The following AGBL2 variants were observed in gnomAD, a reference collection of about 807,000 sequenced individuals.
AGBL2 encodes the protein cytosolic carboxypeptidase 2.
AGBL2 carries 87 observed loss-of-function variants against 103.0 expected under a neutral mutation model. The ratio of observed to expected loss-of-function variants is 0.84; its 90% CI spans 0.71 to 1.01. The LOEUF (loss-of-function observed/expected upper bound fraction) is 1.01, where lower values mean the gene tolerates loss of function less well. AGBL2 is among the 50% of genes least tolerant of loss of function. The pLI, the probability that AGBL2 is intolerant of heterozygous loss-of-function variation, is 0.00. For missense variants in AGBL2, 904 were observed against 1,023.5 expected, an observed-to-expected ratio of 0.88 and a Z score of 1.59; for synonymous variants, 335 against 356.7, an observed-to-expected ratio of 0.94 and a Z score of 0.69.
chr11:47,704,896 G>T (rs2097512145), intron 6 of AGBL2, among the ~76,000 whole-genome samples, 168 bp from the exon 7 acceptor site: 1 of 152,066 alleles, frequency 6.6e-6, no homozygotes, highest in Admixed American at 6.6e-5. Flanking sequence ...AGAATAACAG[G>T]TTCAAAATTA....
At chr11:47,666,719 T>C in intron 17 of AGBL2, 1 of 607,382 alleles carries the variant, frequency 1.6e-6, no homozygotes, top group South Asian at 2.0e-5. Context: ...AGGCAGCCTG[T>C]TCTTATGTTC....
chr11:47,684,728 G>A (rs2097417206), intron 11 of AGBL2, among the ~76,000 whole-genome samples: 1 of 152,114 alleles, frequency 6.6e-6, no homozygotes, highest in Admixed American at 6.6e-5. Flanking sequence ...CACAAAATTA[G>A]TCAATTATTA....
chr11:47,681,582 C>T (rs1259213189), intron 12 of AGBL2, among the ~76,000 whole-genome samples: 4 of 152,284 alleles, frequency 2.6e-5, no homozygotes, highest in African/African-American at 9.6e-5. Flanking sequence ...ATTCTCCTGC[C>T]TCAACCTCCA....
At chr11:47,707,013 C>T (rs1181599254) in intron 4 of AGBL2, among the ~76,000 whole-genome samples, 2 of 142,782 alleles carry the variant, frequency 1.4e-5, no homozygotes, top group East Asian at 4.0e-4. Context: ...ATGGTGAAAC[C>T]CTGTCTCTAC....
chr11:47,684,517 C>T (rs574307935), intron 11 of AGBL2, among the ~76,000 whole-genome samples: 8 of 150,180 alleles, frequency 5.3e-5, no homozygotes, highest in Admixed American at 6.7e-5. Flanking sequence ...GATCGCGCCA[C>T]TGCACTCCAT....
intron 14 of AGBL2, among the ~76,000 whole-genome samples, chr11:47,672,123 T>G (rs2097359410): frequency 6.6e-6 from 1 of 152,172 alleles, no homozygotes; most frequent in South Asian, 2.1e-4. Context: ...TTTTTAAATT[T>G]TTTAAAAAAT....
intron 17 of AGBL2, among the ~76,000 whole-genome samples, chr11:47,665,301 C>G (rs1598890556): frequency 6.6e-6 from 1 of 151,884 alleles, no homozygotes; most frequent in East Asian, 1.9e-4. Flanking sequence ...CCCATCTTGT[C>G]CTCCCAAAGT....
At chr11:47,678,352 G>T (rs2097386287) in intron 13 of AGBL2, among the ~76,000 whole-genome samples, 2 of 88,376 alleles carry the variant, frequency 2.3e-5, no homozygotes, top group Non-Finnish European at 2.8e-5. Context: ...TATTTTTTTT[G>T]AGACGGAGTC....
rs764103792 is a variant in AGBL2, at chr11:47,660,172, C to A, written c.*1G>T. 6.2e-7 allele frequency: 1 copy of A among 1,608,882 alleles called. No homozygotes were observed. Among genetic ancestry groups the A allele is most frequent in the Non-Finnish European group, 8.5e-7 (1 of 1,177,474 alleles). On this transcript the variant is annotated 3_prime_UTR_variant, in exon 19 of 19. Coordinates refer to ENST00000525123, the MANE Select transcript of AGBL2 (RefSeq NM_024783.4). ...GCTTGTGTGGCACAGCCCAGGCTCA[C>A]CTACGGGTATGTGTATATGTGCAAG...
chr11:47,666,214 C>A (rs538666105), intron 17 of AGBL2, among the ~76,000 whole-genome samples: 1 of 151,332 alleles, frequency 6.6e-6, no homozygotes, highest in Non-Finnish European at 1.5e-5. Flanking sequence ...GGCAACATGT[C>A]GAAACCCTGT....
At chr11:47,691,821 T>C (rs2153804347) in intron 9 of AGBL2, among the ~76,000 whole-genome samples, 1 of 142,926 alleles carries the variant, frequency 7.0e-6, no homozygotes, top group Middle Eastern at 3.6e-3. Flanking sequence ...ACTTAATATT[T>C]GCTGCATCTA....
chr11:47,683,163 G>A (rs1222238334), intron 11 of AGBL2, among the ~76,000 whole-genome samples: 1 of 152,114 alleles, frequency 6.6e-6, no homozygotes, highest in Non-Finnish European at 1.5e-5. Context: ...CTGAGGTCAG[G>A]AATTTGAGAC....
At chr11:47,704,343 G>A (rs2097509475) in intron 7 of AGBL2, among the ~76,000 whole-genome samples, 200 bp downstream of exon 7, 1 of 151,860 alleles carries the variant, frequency 6.6e-6, no homozygotes, top group Non-Finnish European at 1.5e-5. Flanking sequence ...AGCTGGGCGT[G>A]GTGGTGTGCG....
Position 47,691,729 on chromosome 11 carries a change from A to AAAAAAAAAAAAAAAATATATACATATAT in AGBL2, c.848+373_848+374insATATATGTATATATTTTTTTTTTTTTTT. Among the ~76,000 whole-genome samples the AAAAAAAAAAAAAAAATATATACATATAT allele has an allele frequency of 6.2e-4, 3 of 4,856 alleles. 1 individual carries two copies. The highest frequency in any genetic ancestry group is 4.2e-3 in the Admixed American group (1 of 236). The allele number at this position is 4,856 out of a possible 152,430, so 3.2% of individuals were successfully genotyped here. A position where few individuals can be genotyped will look rare whatever the true frequency, so the allele number is the denominator to read the frequency against. ...TCTCAAGAAAAAAAAAAAAAAAAAA[A>AAAAAAAAAAAAAAAATATATACATATAT]ATATATATATATATATATATATATA... On this transcript the variant is annotated intron_variant, in intron 9 of 18. Coordinates refer to ENST00000525123, the MANE Select transcript of AGBL2 (RefSeq NM_024783.4).
At chr11:47,664,885 T>A (rs1564999847) in intron 17 of AGBL2, among the ~76,000 whole-genome samples, 2 of 137,916 alleles carry the variant, frequency 1.5e-5, no homozygotes, top group Admixed American at 7.5e-5. Context: ...CCTTTTTTTT[T>A]TTTTTTTTTA....
intron 13 of AGBL2, among the ~76,000 whole-genome samples, chr11:47,678,330 A>ATTATTTTTTTTTTTTTTTT (rs1565026506): frequency 1.7e-5 from 2 of 114,378 alleles, no homozygotes; most frequent in Non-Finnish European, 4.1e-5. Flanking sequence ...ATTTTATTTT[A>ATTATTTTTTTTTTTTTTTT]TTTTATTATT....
rs71228117 is a variant in AGBL2 at position 47,705,641 on chromosome 11, C to CAAAAAAAA, written c.287-15_287-8dup. 3.9e-5 allele frequency: 16 copies of CAAAAAAAA among 412,760 alleles called. No individual in the cohort carries two copies. Among genetic ancestry groups the CAAAAAAAA allele is most frequent in the Admixed American group, 8.5e-5 (2 of 23,616 alleles). 25.6% of individuals were successfully genotyped at this position (412,760 alleles called of 1,614,324 possible). A position where few individuals can be genotyped will look rare whatever the true frequency, so the allele number is the denominator to read the frequency against. On this transcript the variant is annotated splice_polypyrimidine_tract_variant and splice_region_variant and intron_variant, in intron 5 of 18. Transcript: ENST00000525123. ...CCCAGGCAAGAGTGAAAGTCTGTGT[C>CAAAAAAAA]AAAAAAAAAAAAAAAAGAAAAAGAA...
Position 47,690,138 on chromosome 11 carries a change from A to T in AGBL2, c.1569T>A (p.His523Gln). ...AAGACTCCTTCAGAATGGTTTTATAATGCCTGTTCAAATCCCTTCCGGCCA... is the reference window on the plus strand; with the variant it reads ...AAGACTCCTTCAGAATGGTTTTATATTGCCTGTTCAAATCCCTTCCGGCCA... Reference protein sequence around the residue: ...CSLAGRDLNRHYKTILKESFP... With the variant: ...CSLAGRDLNRQYKTILKESFP... The change falls in exon 10 of 19, where the codon CAT (histidine) becomes CAA (glutamine). Residue 523 changes from histidine to glutamine, a missense_variant. By Grantham distance (24) the His-to-Gln change is conservative. Transcript: ENST00000525123. 6.2e-7 allele frequency: 1 copy of T among 1,614,010 alleles called. No individual in the cohort carries two copies.
rs760881180 is a variant in AGBL2 at position 47,704,599 on chromosome 11, T to A, written c.530A>T (p.Gln177Leu). The A allele has an allele frequency of 6.2e-7, 1 of 1,614,128 alleles. No homozygotes were observed. The highest frequency in any genetic ancestry group is 8.5e-7 in the Non-Finnish European group (1 of 1,180,012). The change falls in exon 7 of 19, where the codon CAG (glutamine) becomes CTG (leucine). Residue 177 changes from glutamine to leucine, a missense_variant. Gln to Leu is a moderately radical substitution (Grantham distance 113, BLOSUM62 -2). Coordinates refer to ENST00000525123, the MANE Select transcript of AGBL2 (RefSeq NM_024783.4). ...ACATTCAATTGGCCATCTTGGAGCCTGCAGTGGCCTCTTGGTAGACAAAAT... is the reference window on the plus strand; with the variant it reads ...ACATTCAATTGGCCATCTTGGAGCCAGCAGTGGCCTCTTGGTAGACAAAAT... ...FSILSTKRPLQAPRWPIECEV... is the reference protein window; with the variant it reads ...FSILSTKRPLLAPRWPIECEV...
Sources: allele counts gnomAD v4.1 joint callset (sites outside exome capture counted in the v4.1 genomes callset), GRCh38; gene constraint gnomAD v4.1.1; transcripts MANE v1.5; gene names NCBI Gene and HGNC (gene_info 2026-07-23, HGNC 2026-07-21).